MARK4: variants seen among roughly 807,000 people sequenced by gnomAD.
MARK4 encodes microtubule affinity regulating kinase 4.
Under a neutral mutation model 81.5 loss-of-function variants are expected in MARK4, and 19 were observed. The ratio of observed to expected loss-of-function variants is 0.23; its 90% CI spans 0.16 to 0.34. The LOEUF is 0.34. Ranked by LOEUF, MARK4 falls within the 10% of genes least tolerant of loss-of-function variation. The pLI is 1.00. For missense variants in MARK4, 772 were observed against 1,058.8 expected (o/e 0.73, Z 3.76); for synonymous variants, 436 against 439.0 (o/e 0.99, Z 0.08).
At chr19:45,265,581 G>T (rs1247947694) in intron 6 of MARK4, among the ~76,000 whole-genome samples, 1 of 151,322 alleles carries the variant, frequency 6.6e-6, no homozygotes, top group African/African-American at 2.4e-5. Flanking sequence ...CAGGTATAAG[G>T]GTGCCCAGGT....
chr19:45,253,663 T>C (rs545961009), intron 1 of MARK4, among the ~76,000 whole-genome samples: 3 of 152,300 alleles, frequency 2.0e-5, no homozygotes, highest in African/African-American at 7.2e-5. Context: ...AGCCTCAGTT[T>C]CCTTATCTCT....
chr19:45,294,938 C>A (rs1356617222), intron 14 of MARK4, among the ~76,000 whole-genome samples: 2 of 152,176 alleles, frequency 1.3e-5, no homozygotes, highest in East Asian at 1.9e-4. Flanking sequence ...AGGACACTGC[C>A]CCCCACCAGG....
rs1970623964 is a variant in MARK4 at position 45,277,999 on chromosome 19, G to A, written c.863G>A (p.Arg288Gln). 18 of 1,613,764 alleles carry A rather than the reference G, an allele frequency of 1.1e-5. No individual in the cohort carries two copies. Among genetic ancestry groups the A allele is most frequent in the African/African-American group, 1.3e-5 (1 of 74,860 alleles). The change falls in exon 9 of 17, where the codon CGG (arginine) becomes CAG (glutamine). Residue 288 changes from arginine to glutamine, a missense_variant. Arg to Gln is a conservative substitution (Grantham distance 43). This residue lies in a region of MARK4 where 109 missense variants were observed against 294.7 expected (regional missense o/e 0.37). Coordinates refer to ENST00000262891, the MANE Select transcript of MARK4 (RefSeq NM_001199867.2). ...YMSTDCESIL[R>Q]RFLVLNPAKR... ...TCAACAGACTGTGAGAGCATCCTGC[G>A]GAGATTTTTGGTGCTGAACCCAGCT...
intron 14 of MARK4, among the ~76,000 whole-genome samples, chr19:45,296,469 G>T (rs1169626110): frequency 6.6e-6 from 1 of 152,198 alleles, no homozygotes; most frequent in Non-Finnish European, 1.5e-5. Flanking sequence ...AAGAGTAGGG[G>T]ACAAGCAACA....
At position 45,302,282 on chromosome 19, in the gene MARK4, A is replaced by C. The variant is rs111491178; in HGVS notation, c.1923-92A>C. ...ATGTTTTTTGAGGGGATGGCTAGGAATGTGTCCCGAATTGGGAAGAGTTGT... is the reference window on the plus strand; with the variant it reads ...ATGTTTTTTGAGGGGATGGCTAGGACTGTGTCCCGAATTGGGAAGAGTTGT... On this transcript the variant is annotated intron_variant, in intron 16 of 16. Coordinates refer to ENST00000262891, the MANE Select transcript of MARK4 (RefSeq NM_001199867.2). This position sits in a 1 kb window ranked among gnomAD's most constrained non-coding sequence, Gnocchi z 4.9. 2.5e-5 allele frequency: 40 copies of C among 1,587,532 alleles called. No individual in the cohort carries two copies. Among genetic ancestry groups the C allele is most frequent in the Non-Finnish European group, 3.3e-5 (38 of 1,165,266 alleles).
intron 13 of MARK4, among the ~76,000 whole-genome samples, chr19:45,291,503 C>T (rs1970819658): frequency 6.6e-6 from 1 of 152,204 alleles, no homozygotes; most frequent in African/African-American, 2.4e-5. Context: ...AAAATTAGGG[C>T]CAGGCGCGGT....
At chr19:45,277,460 C>T (rs1256342618) in intron 8 of MARK4, among the ~76,000 whole-genome samples, 1 of 132,664 alleles carries the variant, frequency 7.5e-6, no homozygotes, top group Non-Finnish European at 1.6e-5. Flanking sequence ...TTTGTAGAGA[C>T]AGGCTGGTTG....
At position 45,264,842 on chromosome 19, in the gene MARK4, G is replaced by C; in HGVS notation, c.424G>C (p.Glu142Gln). 1 of 1,614,152 alleles carries C rather than the reference G, an allele frequency of 6.2e-7. No individual in the cohort carries two copies. Among genetic ancestry groups the C allele is most frequent in the Non-Finnish European group, 8.5e-7 (1 of 1,180,006 alleles). The change falls in exon 6 of 17, where the codon GAA becomes CAA. Residue 142 changes from glutamate (E) to glutamine (Q), a missense_variant and splice_region_variant. By Grantham distance (29) the Glu-to-Gln change is conservative. Around this residue, in one of 3 missense-constraint regions of MARK4, gnomAD observed 109 missense variants for 294.7 expected, o/e 0.37. Coordinates refer to ENST00000262891, the MANE Select transcript of MARK4 (RefSeq NM_001199867.2). ...CCCGCTCGGCCTCTGCCCTGCAGGA[G>C]AAGTGTTTGACTACCTCGTGTCGCA... is the stretch of plus-strand genomic sequence containing the variant. ...YLVMEYASAGEVFDYLVSHGR... is the reference protein window; with the variant it reads ...YLVMEYASAGQVFDYLVSHGR...
intron 4 of MARK4, among the ~76,000 whole-genome samples, chr19:45,263,579 T>C (rs1970408407): frequency 6.6e-6 from 1 of 151,942 alleles, no homozygotes; most frequent in East Asian, 1.9e-4. Context: ...CTGTCTCTAC[T>C]GAAAATACAA....
chr19:45,274,276 C>T (rs971996782), intron 8 of MARK4, among the ~76,000 whole-genome samples: 3 of 151,228 alleles, frequency 2.0e-5, no homozygotes, highest in African/African-American at 7.3e-5. Context: ...AAGATGATAC[C>T]AACCTTGTGG....
intron 8 of MARK4, among the ~76,000 whole-genome samples, chr19:45,272,102 C>T (rs1395887920): frequency 3.3e-5 from 5 of 152,046 alleles, no homozygotes; most frequent in Admixed American, 6.6e-5. Context: ...GAGGCGGAGG[C>T]GGGAGGCTCA....
chr19:45,262,153 G>A (rs949286233), intron 2 of MARK4, among the ~76,000 whole-genome samples: 1 of 152,116 alleles, frequency 6.6e-6, no homozygotes, highest in Non-Finnish European at 1.5e-5. Flanking sequence ...CAGTTTCCCT[G>A]TTGGTAAAAT....
At chr19:45,255,403 A>T (rs998363703) in intron 1 of MARK4, among the ~76,000 whole-genome samples, 39 of 151,876 alleles carry the variant, frequency 2.6e-4, no homozygotes, top group Admixed American at 4.6e-4. Flanking sequence ...TTTACTAAAA[A>T]TACAAAAATT....
intron 1 of MARK4, 60 bp downstream of exon 1, chr19:45,251,699 C>G: frequency 7.1e-7 from 1 of 1,412,474 alleles, no homozygotes; most frequent in African/African-American, 1.5e-5. Flanking sequence ...AACCCTTCTC[C>G]CCGTTGTACC....
intron 12 of MARK4, among the ~76,000 whole-genome samples, chr19:45,283,526 A>G (rs886917371): frequency 6.6e-6 from 1 of 152,104 alleles, no homozygotes; most frequent in African/African-American, 2.4e-5. Context: ...GGTAAATGGA[A>G]TTACACGATG....
intron 8 of MARK4, among the ~76,000 whole-genome samples, chr19:45,277,367 C>T (rs748441910): frequency 5.9e-5 from 9 of 151,998 alleles, no homozygotes; most frequent in African/African-American, 1.7e-4. Context: ...TGTGAGCCAC[C>T]GTGCCTGGCC....
Position 45,271,809 on chromosome 19 carries a change from GC to G in MARK4, c.786+103del, listed in dbSNP as rs1243401566. The G allele has an allele frequency of 7.0e-6, 8 of 1,141,504 alleles. No homozygotes were observed. In the East Asian group the frequency reaches 1.2e-4, roughly 17 times the overall value. The allele number at this position is 1,141,504 out of a possible 1,614,324, so 70.7% of individuals were successfully genotyped here. On this transcript the variant is annotated intron_variant, in intron 8 of 16. Coordinates refer to ENST00000262891, the MANE Select transcript of MARK4 (RefSeq NM_001199867.2). This position sits in a 1 kb window ranked among gnomAD's most constrained non-coding sequence, Gnocchi z 4.1. ...GCAGAGGGCCTCAGTGGTGGGACTG[GC>G]CTGAGTTCTCATGGGAAGATGGGGG...
At chr19:45,277,008 G>A (rs1053711090) in intron 8 of MARK4, among the ~76,000 whole-genome samples, 4 of 151,914 alleles carry the variant, frequency 2.6e-5, no homozygotes, top group South Asian at 4.1e-4. Flanking sequence ...TCCCTTTCAC[G>A]GATAAGGAGA....
chr19:45,298,292 G>A (rs527561024), intron 15 of MARK4: 2 of 1,502,636 alleles, frequency 1.3e-6, no homozygotes, highest in African/African-American at 1.4e-5. Context: ...TGTGTGTGCG[G>A]GCATTGGGAG....
Sources: allele counts gnomAD v4.1 joint callset (sites outside exome capture counted in the v4.1 genomes callset), GRCh38; gene constraint gnomAD v4.1.1; regional missense constraint gnomAD v4.1.1; non-coding constraint Gnocchi (gnomAD v3.1); transcripts MANE v1.5; gene names NCBI Gene and HGNC (gene_info 2026-07-23, HGNC 2026-07-21).